ATE1: variants seen among roughly 807,000 people sequenced by gnomAD.
ATE1 encodes arginyltransferase 1.
ATE1 carries 36 observed loss-of-function variants against 70.5 expected under a neutral mutation model. The observed-to-expected ratio is 0.51, with a 90% CI of 0.39 to 0.67. ATE1 has a LOEUF of 0.67. ATE1 is among the 30% of genes least tolerant of loss of function. ATE1 has a pLI of 0.00. For synonymous variants in ATE1, 232 were observed against 219.3 expected (o/e 1.06, Z -0.51); for missense variants, 593 against 629.5 (o/e 0.94, Z 0.62).
intron 11 of ATE1, among the ~76,000 whole-genome samples, chr10:121,785,333 G>C (rs1946161716): frequency 6.6e-6 from 1 of 152,200 alleles, no homozygotes; most frequent in South Asian, 2.1e-4. Flanking sequence ...TTCTCACTAG[G>C]CATTGTTTCC....
intron 4 of ATE1, among the ~76,000 whole-genome samples, chr10:121,913,026 C>T (rs532456943): frequency 1.3e-5 from 2 of 152,198 alleles, no homozygotes; most frequent in South Asian, 2.1e-4. Flanking sequence ...ACTACAGGCG[C>T]CTGCCACCAC....
chr10:121,781,354 G>C (rs1176689277), intron 11 of ATE1, among the ~76,000 whole-genome samples: 1 of 152,192 alleles, frequency 6.6e-6, no homozygotes, highest in Non-Finnish European at 1.5e-5. Flanking sequence ...GTAGGAGCCT[G>C]CTCTGTATTT....
intron 8 of ATE1, among the ~76,000 whole-genome samples, chr10:121,859,279 C>T (rs2133940884): frequency 2.1e-5 from 3 of 144,970 alleles, no homozygotes; most frequent in East Asian, 2.0e-4. Context: ...TTTTTTGAGA[C>T]GGAGTCTCAG....
At chr10:121,924,162 T>A (rs987348602) in intron 2 of ATE1, 104 bp downstream of exon 2, 8 of 1,048,414 alleles carry the variant, frequency 7.6e-6, no homozygotes, top group Non-Finnish European at 1.1e-5. Context: ...ATAATAAAAA[T>A]TTTTCTTAAA....
At chr10:121,817,495 C>T (rs536139505) in intron 10 of ATE1, among the ~76,000 whole-genome samples, 30 of 151,520 alleles carry the variant, frequency 2.0e-4, no homozygotes, top group Non-Finnish European at 2.4e-4. Context: ...GCCAAGATCA[C>T]GCCACTGCAC....
chr10:121,781,351 C>T (rs1470775541), intron 11 of ATE1, among the ~76,000 whole-genome samples: 4 of 152,162 alleles, frequency 2.6e-5, no homozygotes, highest in Non-Finnish European at 4.4e-5. Flanking sequence ...CATGTAGGAG[C>T]CTGCTCTGTA....
intron 10 of ATE1, among the ~76,000 whole-genome samples, chr10:121,814,562 A>T (rs948058884): frequency 2.0e-5 from 3 of 152,198 alleles, no homozygotes; most frequent in African/African-American, 7.2e-5. Context: ...CTACTGCCAC[A>T]AACTTGGACA....
chr10:121,928,452 C>G (rs945113545), upstream of ATE1: 11 of 1,513,970 alleles, frequency 7.3e-6, no homozygotes, highest in Non-Finnish European at 8.8e-6. Flanking sequence ...AGGGTCCGCT[C>G]GGGCCGACCA....
chr10:121,765,796 C>T (rs1357289181), intron 11 of ATE1, among the ~76,000 whole-genome samples: 1 of 152,146 alleles, frequency 6.6e-6, no homozygotes, highest in African/African-American at 2.4e-5. Context: ...GTGCAATATT[C>T]TGATTCACTA....
chr10:121,856,998 G>T (rs1949273927), intron 8 of ATE1, among the ~76,000 whole-genome samples: 2 of 152,102 alleles, frequency 1.3e-5, no homozygotes, highest in Admixed American at 6.5e-5. Context: ...CAACTAAATT[G>T]AATTATAATT....
chr10:121,759,442 G>C (rs80341338), intron 11 of ATE1, among the ~76,000 whole-genome samples: 1 of 152,284 alleles, frequency 6.6e-6, no homozygotes, highest in East Asian at 1.9e-4. Flanking sequence ...AGGTGAAGCC[G>C]GCCGGGCATG....
intron 10 of ATE1, among the ~76,000 whole-genome samples, chr10:121,804,744 T>C (rs750507524): frequency 6.6e-6 from 1 of 150,950 alleles, no homozygotes; most frequent in Non-Finnish European, 1.5e-5. Context: ...TTTTTTGCAC[T>C]ATAAGCTCGT....
intron 10 of ATE1, among the ~76,000 whole-genome samples, chr10:121,807,432 G>A (rs1275384799): frequency 6.6e-6 from 1 of 152,048 alleles, no homozygotes; most frequent in Non-Finnish European, 1.5e-5. Context: ...ATGTAAGTAG[G>A]AGTCCATTTT....
At chr10:121,821,735 G>T (rs754515304) in intron 10 of ATE1, among the ~76,000 whole-genome samples, 1 of 152,138 alleles carries the variant, frequency 6.6e-6, no homozygotes, top group Non-Finnish European at 1.5e-5. Flanking sequence ...ACAAAAATTA[G>T]CTGGGCGTGG....
Position 121,841,077 on chromosome 10 carries a change from C to A in ATE1, c.1157+5G>T. 1 of 1,524,640 alleles carries A rather than the reference C, an allele frequency of 6.6e-7. No individual in the cohort carries two copies. Among genetic ancestry groups the A allele is most frequent in the Non-Finnish European group, 8.9e-7 (1 of 1,127,448 alleles). 94.4% of individuals were successfully genotyped at this position (1,524,640 alleles called of 1,614,324 possible). ...CACTACAATAACGGCAAAAAGCAAT[C>A]TTACCGTAGTGCAGAGTAGACGCCC... On this transcript the variant is annotated splice_donor_5th_base_variant and intron_variant, in intron 9 of 11. Coordinates refer to ENST00000224652, the MANE Select transcript of ATE1 (RefSeq NM_001001976.3).
rs767596525 is a variant in ATE1 at position 121,902,635 on chromosome 10, A to G, written c.584-15T>C. On this transcript the variant is annotated splice_polypyrimidine_tract_variant and intron_variant, in intron 5 of 11. Coordinates refer to ENST00000224652, the MANE Select transcript of ATE1 (RefSeq NM_001001976.3). Reference sequence around the variant, plus strand: ...AGCCCCTTTGCCTAAAAAGAATTTTAAAATATTAGACCAATCACATTTGGT... The same window carrying G: ...AGCCCCTTTGCCTAAAAAGAATTTTGAAATATTAGACCAATCACATTTGGT... The G allele has an allele frequency of 1.9e-6, 3 of 1,573,392 alleles. No homozygotes were observed. Among genetic ancestry groups the G allele is most frequent in the Non-Finnish European group, 2.6e-6 (3 of 1,159,186 alleles).
intron 8 of ATE1, among the ~76,000 whole-genome samples, chr10:121,864,772 G>A (rs919569462): frequency 2.6e-5 from 4 of 151,834 alleles, no homozygotes; most frequent in African/African-American, 9.7e-5. Context: ...TAGGGATGTG[G>A]TTTTCAACAG....
chr10:121,759,377 T>A (rs973808130), intron 11 of ATE1, among the ~76,000 whole-genome samples: 1 of 152,162 alleles, frequency 6.6e-6, no homozygotes, highest in Non-Finnish European at 1.5e-5. Context: ...AGGCGGAAGC[T>A]AGGAGAGATT....
chr10:121,827,221 C>T lies in ATE1; in HGVS notation c.1257+9497G>A, dbSNP rs1948058052. On this transcript the variant is annotated intron_variant, in intron 10 of 11. Coordinates refer to ENST00000224652, the MANE Select transcript of ATE1 (RefSeq NM_001001976.3). ...TAGAGACGGGGTTTCACCATGTTGG[C>T]CAGGATGGTCTCAATCTCTTGACCT... is the stretch of plus-strand genomic sequence containing the variant. Among the ~76,000 whole-genome samples the T allele has an allele frequency of 2.0e-5, 3 of 152,180 alleles. No individual in the cohort carries two copies. The South Asian group carries it at 6.2e-4, about 32-fold the overall frequency.
Sources: gnomAD v4.1 joint callset for allele counts (sites outside exome capture counted in the v4.1 genomes callset) on GRCh38, gnomAD v4.1.1 for gene constraint, MANE v1.5 for transcripts, NCBI Gene and HGNC (gene_info 2026-07-23, HGNC 2026-07-21) for gene names.